PCDHA12: variants seen among roughly 807,000 people sequenced by gnomAD.
PCDHA12 encodes protocadherin alpha 12, also known as protocadherin alpha-12.
In PCDHA12, 44 loss-of-function variants were observed where a neutral mutation model predicts 60.0. The ratio of observed to expected loss-of-function variants is 0.73; its 90% confidence interval spans 0.58 to 0.94. The LOEUF (loss-of-function observed/expected upper bound fraction) is 0.94, where lower values mean the gene tolerates loss of function less well. PCDHA12 is among the 40% of genes least tolerant of loss of function. PCDHA12 has a pLI of 0.00. For missense variants in PCDHA12, 1,276 were observed against 1,239.7 expected, an observed-to-expected ratio of 1.03 and a Z score of -0.44; for synonymous variants, 569 against 553.0, an observed-to-expected ratio of 1.03 and a Z score of -0.40.
chr5:140,934,235 A>G (rs1202721010), intron 1 of PCDHA12, among the ~76,000 whole-genome samples: 1 of 152,048 alleles, frequency 6.6e-6, no homozygotes, highest in Non-Finnish European at 1.5e-5. Flanking sequence ...TTTGTACTTA[A>G]TTGTGGAGAT....
chr5:140,882,798 A>G, intron 1 of PCDHA12: 1 of 1,614,236 alleles, frequency 6.2e-7, no homozygotes, highest in South Asian at 1.1e-5. Context: ...CCCAACGATT[A>G]TTTCACTTTG....
chr5:141,008,800 A>G (rs949324548), intron 3 of PCDHA12, among the ~76,000 whole-genome samples: 8 of 152,222 alleles, frequency 5.3e-5, no homozygotes, highest in Non-Finnish European at 1.2e-4. Flanking sequence ...TTATCTAAAC[A>G]AATAGGCTCA....
chr5:140,989,889 C>T (rs1220430844), intron 3 of PCDHA12, among the ~76,000 whole-genome samples: 3 of 151,522 alleles, frequency 2.0e-5, no homozygotes, highest in Admixed American at 6.6e-5. Flanking sequence ...TTGGAGTCTC[C>T]GTTATTCACA....
At chr5:140,982,589 T>C in intron 3 of PCDHA12, 26 bp downstream of exon 3, 1 of 1,610,940 alleles carries the variant, frequency 6.2e-7, no homozygotes, top group Non-Finnish European at 8.5e-7. Context: ...CTCTCCATTC[T>C]TTCTTGGTTT....
chr5:140,962,269 T>A (rs1554225906), intron 1 of PCDHA12, among the ~76,000 whole-genome samples: 1 of 152,194 alleles, frequency 6.6e-6, no homozygotes, highest in Non-Finnish European at 1.5e-5. Flanking sequence ...TTTTATAATT[T>A]AAAAAACCTC....
At chr5:140,946,925 C>T (rs1431365562) in intron 1 of PCDHA12, among the ~76,000 whole-genome samples, 1 of 151,242 alleles carries the variant, frequency 6.6e-6, no homozygotes, top group South Asian at 2.1e-4. Context: ...TTTTATTGAA[C>T]AGTAGAGTGT....
At chr5:140,897,694 G>A (rs1091552) in intron 1 of PCDHA12, among the ~76,000 whole-genome samples, 2,266 of 152,206 alleles carry the variant, frequency 0.015, 53 homozygotes, top group African/African-American at 0.052. Context: ...AGTCCTTTGG[G>A]CATATACCCA....
intron 1 of PCDHA12, among the ~76,000 whole-genome samples, chr5:140,893,497 G>GA (rs1157700367): frequency 4.1e-4 from 62 of 150,170 alleles, no homozygotes; most frequent in African/African-American, 1.2e-3. Context: ...TCACAAAAAA[G>GA]AAAAAAAAAG....
intron 1 of PCDHA12, among the ~76,000 whole-genome samples, chr5:140,895,594 T>C (rs2065067713): frequency 6.6e-6 from 1 of 152,228 alleles, no homozygotes; most frequent in Admixed American, 6.5e-5. Flanking sequence ...GATATATAAT[T>C]TGCAAAGATT....
rs945250298 is a variant in PCDHA12 at position 140,897,146 on chromosome 5, A to G, written c.2367+19307A>G. Among the ~76,000 whole-genome samples the G allele has an allele frequency of 5.3e-5, 8 of 152,258 alleles. No individual in the cohort carries two copies. In the East Asian group the frequency reaches 1.5e-3, roughly 29 times the overall value. On this transcript the variant is annotated intron_variant, in intron 1 of 3. Coordinates refer to ENST00000398631, the MANE Select transcript of PCDHA12 (RefSeq NM_018903.4). Reference sequence around the variant, plus strand: ...CCCACTAAACTTTCTAGCCTTTGTTAACCATTCTTCTACTGTCTATCTCCA... The same window carrying G: ...CCCACTAAACTTTCTAGCCTTTGTTGACCATTCTTCTACTGTCTATCTCCA...
At chr5:140,903,871 A>G (rs1382306493) in intron 1 of PCDHA12, among the ~76,000 whole-genome samples, 2 of 152,192 alleles carry the variant, frequency 1.3e-5, no homozygotes, top group Non-Finnish European at 2.9e-5. Context: ...GAGTAAAATG[A>G]CAAAGACATT....
intron 1 of PCDHA12, among the ~76,000 whole-genome samples, chr5:140,903,944 A>G (rs1554191212): frequency 6.6e-6 from 1 of 152,192 alleles, no homozygotes; most frequent in African/African-American, 2.4e-5. Context: ...CCTCTTAAAT[A>G]CTGGAAAATT....
intron 1 of PCDHA12, chr5:140,882,150 C>T: frequency 1.3e-6 from 2 of 1,501,768 alleles, no homozygotes; most frequent in Non-Finnish European, 1.8e-6. Context: ...TAGCAGAAAG[C>T]GGAATACCTC....
intron 1 of PCDHA12, among the ~76,000 whole-genome samples, chr5:140,886,289 T>C (rs115070123): frequency 0.081 from 12,299 of 152,020 alleles, 542 homozygotes; most frequent in Middle Eastern, 0.13. Context: ...ATTATTTTTA[T>C]ATTTATTTAT....
intron 3 of PCDHA12, among the ~76,000 whole-genome samples, chr5:140,992,716 G>A (rs1554253146): frequency 6.6e-6 from 1 of 152,160 alleles, no homozygotes; most frequent in African/African-American, 2.4e-5. Flanking sequence ...GCCAGTATTC[G>A]TAAATCCCAC....
At chr5:140,885,012 G>A (rs73793512) in intron 1 of PCDHA12, among the ~76,000 whole-genome samples, 2,131 of 152,234 alleles carry the variant, frequency 0.014, 45 homozygotes, top group African/African-American at 0.049. Flanking sequence ...GAGGCTAATC[G>A]TAATCTTAAA....
intron 1 of PCDHA12, among the ~76,000 whole-genome samples, chr5:140,941,286 C>CTCTT (rs5871754): frequency 5.6e-5 from 6 of 106,818 alleles, no homozygotes; most frequent in African/African-American, 1.4e-4. Context: ...TCCTTCCTTT[C>CTCTT]TCTTTCTTTC....
chr5:140,890,452 G>A (rs72800989), intron 1 of PCDHA12, among the ~76,000 whole-genome samples: 2,230 of 151,860 alleles, frequency 0.015, 28 homozygotes, highest in Non-Finnish European at 0.022. Context: ...GATATCTTTA[G>A]GCACAAATAT....
At position 140,882,738 on chromosome 5, in the gene PCDHA12, C is replaced by T. The variant is rs1005115100; in HGVS notation, c.2367+4899C>T. 8.1e-6 allele frequency: 13 copies of T among 1,614,118 alleles called. No individual in the cohort carries two copies. The highest frequency in any genetic ancestry group is 1.3e-5 in the African/African-American group (1 of 74,942). ...GAAACTCGATTTCCACTAGATGGCG[C>T]ATCCGATGCAGATATTGGAGTAAAC... On this transcript the variant is annotated intron_variant, in intron 1 of 3. Transcript: ENST00000398631.
Sources: gnomAD v4.1 joint callset for allele counts (sites outside exome capture counted in the v4.1 genomes callset) on GRCh38, gnomAD v4.1.1 for gene constraint, MANE v1.5 for transcripts, NCBI Gene and HGNC (gene_info 2026-07-23, HGNC 2026-07-21) for gene names.